Variants in POU4F3 observed in about 807,000 individuals in gnomAD.
POU4F3 encodes POU domain, class 4, transcription factor 3.
In POU4F3, 7 loss-of-function variants were observed where a neutral mutation model predicts 22.0. The observed-to-expected ratio is 0.32, with a 90% CI of 0.18 to 0.60. The LOEUF (loss-of-function observed/expected upper bound fraction) is 0.60. POU4F3 is among the 20% of genes least tolerant of loss of function. POU4F3 has a pLI of 0.85. For synonymous variants in POU4F3, 220 were observed against 194.5 expected (o/e 1.13, Z -1.09); for missense variants, 457 against 467.4 (o/e 0.98, Z 0.21).
At position 146,338,877 on chromosome 5, in the gene POU4F3, C is replaced by T. The variant is rs930797324; in HGVS notation, c.-236C>T. On this transcript the variant is annotated 5_prime_UTR_variant, in exon 1 of 2. Transcript: ENST00000646991. Reference sequence around the variant, plus strand: ...CGCGCCGCTAGCTGCTGTCTCTCCTCACCTCCCGGGCCGCCCCTGCGAGTC... The same window carrying T: ...CGCGCCGCTAGCTGCTGTCTCTCCTTACCTCCCGGGCCGCCCCTGCGAGTC... The T allele has an allele frequency of 1.5e-5, 10 of 667,766 alleles. No individual in the cohort carries two copies. Among genetic ancestry groups the T allele is most frequent in the African/African-American group, 9.0e-5 (5 of 55,294 alleles). 41.4% of individuals were successfully genotyped at this position (667,766 alleles called of 1,614,324 possible). A position where few individuals can be genotyped will look rare whatever the true frequency, so the allele number is the denominator to read the frequency against.
At position 146,339,864 on chromosome 5, in the gene POU4F3, C is replaced by T. The variant is rs1760425499; in HGVS notation, c.437C>T (p.Pro146Leu). 1.9e-6 allele frequency: 3 copies of T among 1,608,448 alleles called. No individual in the cohort carries two copies. Among genetic ancestry groups the T allele is most frequent in the South Asian group, 1.1e-5 (1 of 91,084 alleles). ...EHSVMPAQIH[P>L]HHLGAMGHLH... ...TCGGTGATGCCCGCACAGATCCATC[C>T]ACACCACCTGGGCGCCATGGGCCAC... The change falls in exon 2 of 2, where the codon CCA (proline) becomes CTA (leucine). Residue 146 changes from proline to leucine, a missense_variant. This residue lies in a region of POU4F3 where 410 missense variants were observed against 385.0 expected (regional missense o/e 1.06). Transcript: ENST00000646991. The surrounding 1 kb of genome is among the most constrained non-coding windows in gnomAD (Gnocchi z 4.7).
At position 146,339,682 on chromosome 5, in the gene POU4F3, C is replaced by A. The variant is rs565328507; in HGVS notation, c.255C>A (p.Ser85Arg). 9 of 1,614,236 alleles carry A rather than the reference C, an allele frequency of 5.6e-6. No individual in the cohort carries two copies. In the South Asian group the frequency reaches 7.7e-5, roughly 14 times the overall value. Residue 85 changes from serine (S) to arginine (R), a missense_variant, in exon 2 of 2, where the codon AGC becomes AGA. Physicochemically the swap from Ser to Arg is moderately radical, Grantham distance 110. Around this residue, in one of 2 missense-constraint regions of POU4F3, gnomAD observed 410 missense variants for 385.0 expected, o/e 1.06. Coordinates refer to ENST00000646991, the MANE Select transcript of POU4F3 (RefSeq NM_002700.3). The surrounding 1 kb of genome is among the most constrained non-coding windows in gnomAD (Gnocchi z 4.7). Reference protein sequence around the residue: ...KPDATYHTMSSVPCTSTSSTV... With the variant: ...KPDATYHTMSRVPCTSTSSTV... The stretch of plus-strand genomic sequence containing the variant: ...ACGCCACCTACCATACCATGAGCAG[C>A]GTGCCCTGCACGTCCACTTCGTCCA...
rs781633147 is a variant in POU4F3 at position 146,340,003 on chromosome 5, G to A, written c.576G>A (p.Glu192=). ...CGCGCGAGCTGGAAGCCTTCGCCGA[G>A]CGCTTCAAGCAGCGGCGCATCAAGC... ...SDPRELEAFA[E]RFKQRRIKLG... The change falls in exon 2 of 2, where the codon GAG becomes GAA. Residue 192 remains glutamate, a synonymous_variant. Transcript: ENST00000646991. The A allele has an allele frequency of 8.7e-6, 14 of 1,613,412 alleles. No individual in the cohort carries two copies. The highest frequency in any genetic ancestry group is 1.1e-5 in the Non-Finnish European group (13 of 1,180,028).
rs1360009972 is a variant in POU4F3, at chr5:146,339,793, C to T, written c.366C>T (p.His122=). ...GCCTCGAAGGCGACCTGCTGGAGCA[C>T]ATCTCGCCCACGCTGAGTGTGAGCG... is the stretch of plus-strand genomic sequence containing the variant. ...HQGLEGDLLE[H]ISPTLSVSGL... is the part of the protein sequence containing the mutation. Residue 122 remains histidine (H), a synonymous_variant, in exon 2 of 2, where the codon CAC becomes CAT. Coordinates refer to ENST00000646991, the MANE Select transcript of POU4F3 (RefSeq NM_002700.3). This position sits in a 1 kb window ranked among gnomAD's most constrained non-coding sequence, Gnocchi z 4.7. The T allele has an allele frequency of 1.9e-6, 3 of 1,611,716 alleles. No individual in the cohort carries two copies. Among genetic ancestry groups the T allele is most frequent in the Non-Finnish European group, 2.5e-6 (3 of 1,179,940 alleles).
rs770556021 is a variant in POU4F3, at chr5:146,339,767, G to C, written c.340G>C (p.Gly114Arg). ...ACACCCTCACCACGCCGTGCACCAG[G>C]GCCTCGAAGGCGACCTGCTGGAGCA... ...TSHPHHAVHQ[G>R]LEGDLLEHIS... The change falls in exon 2 of 2, where the codon GGC becomes CGC. Residue 114 changes from glycine (G) to arginine (R), a missense_variant. Transcript: ENST00000646991. This position sits in a 1 kb window ranked among gnomAD's most constrained non-coding sequence, Gnocchi z 4.7. 2.8e-5 allele frequency: 45 copies of C among 1,613,020 alleles called. No homozygotes were observed. The highest frequency in any genetic ancestry group is 3.7e-5 in the Non-Finnish European group (44 of 1,179,992).
chr5:146,339,020 C>T lies in POU4F3; in HGVS notation c.-93C>T. ...AGCGAGCGAGAGGGCGAGGGGAGCG[C>T]GGGCGCTGAGCAGCGCTCACTTGGA... On this transcript the variant is annotated 5_prime_UTR_variant, in exon 1 of 2. Coordinates refer to ENST00000646991, the MANE Select transcript of POU4F3 (RefSeq NM_002700.3). This position sits in a 1 kb window ranked among gnomAD's most constrained non-coding sequence, Gnocchi z 4.7. 1 of 1,562,592 alleles carries T rather than the reference C, an allele frequency of 6.4e-7. No homozygotes were observed. Among genetic ancestry groups the T allele is most frequent in the Non-Finnish European group, 8.7e-7 (1 of 1,149,686 alleles).
chr5:146,340,753 C>T lies in POU4F3; in HGVS notation c.*309C>T. ...GCCGCACGACTTCAGAGCAGGAGCC[C>T]CAAAGCAGAGGACAGTCAATTGGCC... On this transcript the variant is annotated 3_prime_UTR_variant, in exon 2 of 2. Coordinates refer to ENST00000646991, the MANE Select transcript of POU4F3 (RefSeq NM_002700.3). 2.2e-6 allele frequency: 1 copy of T among 463,146 alleles called. No homozygotes were observed. Among genetic ancestry groups the T allele is most frequent in the Non-Finnish European group, 4.0e-6 (1 of 251,654 alleles). The allele number at this position is 463,146 out of a possible 1,614,324, so 28.7% of individuals were successfully genotyped here.
At position 146,339,889 on chromosome 5, in the gene POU4F3, C is replaced by G. The variant is rs758480837; in HGVS notation, c.462C>G (p.His154Gln). The G allele has an allele frequency of 2.2e-5, 35 of 1,608,746 alleles. No homozygotes were observed. The highest frequency in any genetic ancestry group is 2.9e-5 in the Non-Finnish European group (34 of 1,179,956). Reference sequence around the variant, plus strand: ...CACACCACCTGGGCGCCATGGGCCACCTGCACCAGGCCATGGGCATGAGTC... The same window carrying G: ...CACACCACCTGGGCGCCATGGGCCAGCTGCACCAGGCCATGGGCATGAGTC... ...IHPHHLGAMG[H>Q]LHQAMGMSHP... The change falls in exon 2 of 2, where the codon CAC becomes CAG. Residue 154 changes from histidine to glutamine, a missense_variant. This residue lies in a region of POU4F3 where 410 missense variants were observed against 385.0 expected (regional missense o/e 1.06). Coordinates refer to ENST00000646991, the MANE Select transcript of POU4F3 (RefSeq NM_002700.3). This position sits in a 1 kb window ranked among gnomAD's most constrained non-coding sequence, Gnocchi z 4.7.
rs1460752490 is a variant in POU4F3, at chr5:146,339,004, G to A, written c.-109G>A. ...GGGGGAGAGGGGAGGCAGCGAGCGA[G>A]AGGGCGAGGGGAGCGCGGGCGCTGA... On this transcript the variant is annotated 5_prime_UTR_variant, in exon 1 of 2. Transcript: ENST00000646991. This position sits in a 1 kb window ranked among gnomAD's most constrained non-coding sequence, Gnocchi z 4.7. The A allele has an allele frequency of 1.3e-5, 19 of 1,511,508 alleles. No individual in the cohort carries two copies. The highest frequency in any genetic ancestry group is 1.6e-5 in the Non-Finnish European group (18 of 1,109,478). The allele number at this position is 1,511,508 out of a possible 1,614,324, so 93.6% of individuals were successfully genotyped here.
In POU4F3 at chr5:146,340,628, T is replaced by G; in HGVS notation, c.*184T>G. ...CGGCCTTCTCTCTCTTTCCTTTCTA[T>G]TCCCACCAAAAAAATTTTGGCGCTG... On this transcript the variant is annotated 3_prime_UTR_variant, in exon 2 of 2. Coordinates refer to ENST00000646991, the MANE Select transcript of POU4F3 (RefSeq NM_002700.3). The G allele has an allele frequency of 1.3e-6, 1 of 794,060 alleles. No individual in the cohort carries two copies. The allele number at this position is 794,060 out of a possible 1,614,324, so 49.2% of individuals were successfully genotyped here.
chr5:146,339,356 T>A lies in POU4F3; in HGVS notation c.120+124T>A. On this transcript the variant is annotated intron_variant, in intron 1 of 1. Coordinates refer to ENST00000646991, the MANE Select transcript of POU4F3 (RefSeq NM_002700.3). This position sits in a 1 kb window ranked among gnomAD's most constrained non-coding sequence, Gnocchi z 4.7. ...AACCCCTCTCCTTGTCTCCCCCGCG[T>A]TCTCTCCCGGCGCGCTCTCTCTCTC... 1 of 1,540,294 alleles carries A rather than the reference T, an allele frequency of 6.5e-7. No individual in the cohort carries two copies. The highest frequency in any genetic ancestry group is 8.9e-7 in the Non-Finnish European group (1 of 1,121,088).
chr5:146,339,463 G>A lies in POU4F3; in HGVS notation c.121-85G>A. ...TTTTATGACCTGGGCTTTGAGGAGA[G>A]GCATCTCGGTTGCTTGAAAATGTGT... On this transcript the variant is annotated intron_variant, in intron 1 of 1. Coordinates refer to ENST00000646991, the MANE Select transcript of POU4F3 (RefSeq NM_002700.3). This position sits in a 1 kb window ranked among gnomAD's most constrained non-coding sequence, Gnocchi z 4.7. 11 of 1,567,108 alleles carry A rather than the reference G, an allele frequency of 7.0e-6. No individual in the cohort carries two copies. In the South Asian group the frequency reaches 1.1e-4, roughly 16 times the overall value.
In POU4F3 at chr5:146,340,431, C is replaced by T. The variant is rs765549093; in HGVS notation, c.1004C>T (p.Ser335Leu). The T allele has an allele frequency of 6.2e-7, 1 of 1,614,124 alleles. No homozygotes were observed. The highest frequency in any genetic ancestry group is 2.2e-5 in the East Asian group (1 of 44,886). ...CAGAAACAGAAACGAATGAAGTATT[C>T]GGCTGTCCACTGATTGCGGCAGGGC... The part of the protein sequence containing the change: ...QRQKQKRMKY[S>L]AVH The change falls in exon 2 of 2, where the codon TCG becomes TTG. Residue 335 changes from serine (S) to leucine (L), a missense_variant. By Grantham distance (145) the Ser-to-Leu change is moderately radical. This residue lies in a region of POU4F3 where 47 missense variants were observed against 82.4 expected (regional missense o/e 0.57). Coordinates refer to ENST00000646991, the MANE Select transcript of POU4F3 (RefSeq NM_002700.3).
rs1202190809 is a variant in POU4F3, at chr5:146,340,135, C to T, written c.708C>T (p.Leu236=). The T allele has an allele frequency of 6.2e-7, 1 of 1,614,214 alleles. No homozygotes were observed. Among genetic ancestry groups the T allele is most frequent in the African/African-American group, 1.3e-5 (1 of 75,066 alleles). ...STICRFESLT[L]SHNNMIALKP... ...TCTGCAGGTTCGAGTCTCTCACTCT[C>T]TCGCACAACAACATGATCGCTCTCA... The change falls in exon 2 of 2, where the codon CTC becomes CTT. Residue 236 remains leucine (L), a synonymous_variant. Coordinates refer to ENST00000646991, the MANE Select transcript of POU4F3 (RefSeq NM_002700.3).
In POU4F3 at chr5:146,340,309, T is replaced by C; in HGVS notation, c.882T>C (p.Ala294=). The part of the protein sequence containing the change: ...PEKRSLEAYF[A]IQPRPSSEKI... The stretch of plus-strand genomic sequence containing the variant: ...AGCGTTCACTCGAGGCCTATTTCGC[T>C]ATCCAGCCACGTCCTTCATCTGAGA... The change falls in exon 2 of 2, where the codon GCT becomes GCC. Residue 294 remains alanine, a synonymous_variant. Coordinates refer to ENST00000646991, the MANE Select transcript of POU4F3 (RefSeq NM_002700.3). The C allele has an allele frequency of 1.9e-6, 3 of 1,614,196 alleles. No homozygotes were observed. The highest frequency in any genetic ancestry group is 2.7e-5 in the African/African-American group (2 of 75,064).
rs773832362 is a variant in POU4F3, at chr5:146,340,027, G to A, written c.600G>A (p.Lys200=). The stretch of plus-strand genomic sequence containing the variant: ...AGCGCTTCAAGCAGCGGCGCATCAA[G>A]CTGGGGGTGACCCAGGCGGACGTGG... ...FAERFKQRRI[K]LGVTQADVGA... The change falls in exon 2 of 2, where the codon AAG becomes AAA. Residue 200 remains lysine (K), a synonymous_variant. Coordinates refer to ENST00000646991, the MANE Select transcript of POU4F3 (RefSeq NM_002700.3). 3 of 1,614,028 alleles carry A rather than the reference G, an allele frequency of 1.9e-6. No homozygotes were observed. The Admixed American group carries it at 5.0e-5, about 27-fold the overall frequency.
rs774435223 is a variant in POU4F3, at chr5:146,340,050, T to C, written c.623T>C (p.Val208Ala). 6.2e-7 allele frequency: 1 copy of C among 1,614,078 alleles called. No homozygotes were observed. Among genetic ancestry groups the C allele is most frequent in the Non-Finnish European group, 8.5e-7 (1 of 1,180,016 alleles). ...RIKLGVTQADVGAALANLKIP... is the reference protein window; with the variant it reads ...RIKLGVTQADAGAALANLKIP... Reference sequence around the variant, plus strand: ...AAGCTGGGGGTGACCCAGGCGGACGTGGGCGCGGCTCTGGCTAATCTCAAG... The same window carrying C: ...AAGCTGGGGGTGACCCAGGCGGACGCGGGCGCGGCTCTGGCTAATCTCAAG... Residue 208 changes from valine (V) to alanine (A), a missense_variant, in exon 2 of 2, where the codon GTG becomes GCG. Coordinates refer to ENST00000646991, the MANE Select transcript of POU4F3 (RefSeq NM_002700.3).
Position 146,339,877 on chromosome 5 carries a change from C to A in POU4F3, c.450C>A (p.Gly150=). 6.2e-7 allele frequency: 1 copy of A among 1,608,452 alleles called. No individual in the cohort carries two copies. Among genetic ancestry groups the A allele is most frequent in the Non-Finnish European group, 8.5e-7 (1 of 1,179,946 alleles). The change falls in exon 2 of 2, where the codon GGC becomes GGA. Residue 150 remains glycine, a synonymous_variant. Transcript: ENST00000646991. This position sits in a 1 kb window ranked among gnomAD's most constrained non-coding sequence, Gnocchi z 4.7. The part of the protein sequence containing the change: ...MPAQIHPHHL[G]AMGHLHQAMG... Reference sequence around the variant, plus strand: ...CACAGATCCATCCACACCACCTGGGCGCCATGGGCCACCTGCACCAGGCCA... The same window carrying A: ...CACAGATCCATCCACACCACCTGGGAGCCATGGGCCACCTGCACCAGGCCA...
chr5:146,338,864 T>C lies in POU4F3; in HGVS notation c.-249T>C. Reference sequence around the variant, plus strand: ...GGGCGCAGAAAGGCGCGCCGCTAGCTGCTGTCTCTCCTCACCTCCCGGGCC... The same window carrying C: ...GGGCGCAGAAAGGCGCGCCGCTAGCCGCTGTCTCTCCTCACCTCCCGGGCC... On this transcript the variant is annotated 5_prime_UTR_variant, in exon 1 of 2. Coordinates refer to ENST00000646991, the MANE Select transcript of POU4F3 (RefSeq NM_002700.3). 3.2e-6 allele frequency: 2 copies of C among 633,804 alleles called. No homozygotes were observed. Among genetic ancestry groups the C allele is most frequent in the South Asian group, 3.9e-5 (2 of 51,530 alleles). The allele number at this position is 633,804 out of a possible 1,614,324, so 39.3% of individuals were successfully genotyped here. A position where few individuals can be genotyped will look rare whatever the true frequency, so the allele number is the denominator to read the frequency against.
Sources: allele counts gnomAD v4.1 joint callset, GRCh38; gene constraint gnomAD v4.1.1; regional missense constraint gnomAD v4.1.1; non-coding constraint Gnocchi (gnomAD v3.1); transcripts MANE v1.5; gene names NCBI Gene and HGNC (gene_info 2026-07-23, HGNC 2026-07-21).